Variants in CSNK1G1 observed in about 807,000 individuals in gnomAD.
CSNK1G1 encodes the protein casein kinase 1 gamma 1.
In CSNK1G1, 22 loss-of-function variants were observed where a neutral mutation model predicts 59.6. The observed-to-expected ratio is 0.37, with a 90% CI of 0.26 to 0.53. The LOEUF is 0.53. CSNK1G1 is among the 20% of genes least tolerant of loss of function. CSNK1G1 has a pLI of 0.89. For synonymous variants in CSNK1G1, 179 were observed against 177.1 expected, an observed-to-expected ratio of 1.01 and a Z score of -0.08; for missense variants, 384 against 519.5, an observed-to-expected ratio of 0.74 and a Z score of 2.54.
chr15:64,239,800 AAAG>A (rs1262316311), intron 4 of CSNK1G1, among the ~76,000 whole-genome samples: 2 of 152,252 alleles, frequency 1.3e-5, no homozygotes, highest in Non-Finnish European at 2.9e-5. Context: ...TAGATATAGA[AAAG>A]AACCAAACAG....
At chr15:64,238,334 A>G (rs2082643315) in intron 4 of CSNK1G1, among the ~76,000 whole-genome samples, 1 of 150,852 alleles carries the variant, frequency 6.6e-6, no homozygotes, top group South Asian at 2.1e-4. Flanking sequence ...ATAAAAAATA[A>G]AAAATTAGCC....
At position 64,216,735 on chromosome 15, in the gene CSNK1G1, G is replaced by C; in HGVS notation, c.293-22C>G. The stretch of plus-strand genomic sequence containing the variant: ...TCACCTGAAAGCAGAGGGGAAATGG[G>C]GGTATACAGTGGGAGACACAAAAGC... On this transcript the variant is annotated intron_variant, in intron 4 of 11. Transcript: ENST00000303052. The surrounding 1 kb of genome is among the most constrained non-coding windows in gnomAD (Gnocchi z 4.6). The C allele has an allele frequency of 6.2e-7, 1 of 1,610,244 alleles. No individual in the cohort carries two copies. Among genetic ancestry groups the C allele is most frequent in the Non-Finnish European group, 8.5e-7 (1 of 1,177,106 alleles).
intron 4 of CSNK1G1, among the ~76,000 whole-genome samples, chr15:64,242,227 G>C (rs1247605683): frequency 6.6e-6 from 1 of 152,164 alleles, no homozygotes; most frequent in African/African-American, 2.4e-5. Context: ...GGAAAGGCCA[G>C]AACCTGATGG....
intron 1 of CSNK1G1, among the ~76,000 whole-genome samples, chr15:64,355,011 T>C (rs948548772): frequency 2.0e-5 from 3 of 152,304 alleles, no homozygotes; most frequent in Non-Finnish European, 4.4e-5. Context: ...GCACCTAGTA[T>C]TCAGTCACTG....
At chr15:64,219,840 C>A (rs1235826138) in intron 4 of CSNK1G1, among the ~76,000 whole-genome samples, 2 of 146,038 alleles carry the variant, frequency 1.4e-5, no homozygotes, top group African/African-American at 5.2e-5. Flanking sequence ...GTGGCACGAT[C>A]TCAGCTCAAT....
At chr15:64,299,138 C>A (rs1424835719) in intron 2 of CSNK1G1, among the ~76,000 whole-genome samples, 1 of 148,510 alleles carries the variant, frequency 6.7e-6, no homozygotes, top group African/African-American at 2.4e-5. Context: ...TACAATGAGT[C>A]TTCACATTAA....
At chr15:64,257,016 C>T (rs555444222) in intron 3 of CSNK1G1, among the ~76,000 whole-genome samples, 22 of 152,016 alleles carry the variant, frequency 1.4e-4, no homozygotes, top group Non-Finnish European at 3.1e-4. Context: ...CAATTACTGC[C>T]TTCATATCTT....
rs1159856461 is a variant in CSNK1G1 at position 64,272,536 on chromosome 15, T to C, written c.182-13295A>G. ...CCGGCCCCACTCTGTGACTTTTAAA[T>C]GGGGGTATTTAGCCTGTTTACATTC... On this transcript the variant is annotated intron_variant, in intron 2 of 11. Transcript: ENST00000303052. Among the ~76,000 whole-genome samples, 3 of 152,106 alleles carry C rather than the reference T, an allele frequency of 2.0e-5. No individual in the cohort carries two copies. The South Asian group carries it at 6.2e-4, about 32-fold the overall frequency.
intron 2 of CSNK1G1, among the ~76,000 whole-genome samples, chr15:64,297,408 A>G (rs368835498): frequency 3.3e-5 from 5 of 152,068 alleles, no homozygotes; most frequent in Non-Finnish European, 7.4e-5. Flanking sequence ...AAGGCTCTGA[A>G]GCAGAAATGC....
intron 3 of CSNK1G1, among the ~76,000 whole-genome samples, chr15:64,256,178 A>T (rs1892363333): frequency 6.6e-6 from 1 of 152,232 alleles, no homozygotes. Context: ...TGACAAATCA[A>T]CATGGAACTA....
intron 1 of CSNK1G1, among the ~76,000 whole-genome samples, chr15:64,328,540 G>C (rs1345128272): frequency 3.9e-5 from 1 of 25,768 alleles, no homozygotes; most frequent in South Asian, 2.4e-3. Flanking sequence ...ACATGGAAAG[G>C]AACAACCGGT....
intron 4 of CSNK1G1, among the ~76,000 whole-genome samples, chr15:64,235,854 G>T (rs529793037): frequency 1.4e-3 from 217 of 152,138 alleles, no homozygotes; most frequent in African/African-American, 5.1e-3. Flanking sequence ...CTATGTACAA[G>T]ATACTACACT....
chr15:64,233,656 T>A (rs1350612533), intron 4 of CSNK1G1, among the ~76,000 whole-genome samples: 3 of 152,168 alleles, frequency 2.0e-5, no homozygotes, highest in Non-Finnish European at 4.4e-5. Context: ...ACTGGAAAAT[T>A]CGTCCTGGTC....
In CSNK1G1 at chr15:64,170,527, G is replaced by A. The variant is rs1483113912; in HGVS notation, c.*1404C>T. The stretch of plus-strand genomic sequence containing the variant: ...ATAAGCTTGGTTTCTGATAAGGCAG[G>A]CCAGCCCAAATGCTACAGCTCAGCT... On this transcript the variant is annotated 3_prime_UTR_variant, in exon 12 of 12. Transcript: ENST00000303052. 6.6e-6 allele frequency: 1 copy of A among 152,642 alleles called. No individual in the cohort carries two copies. Among genetic ancestry groups the A allele is most frequent in the South Asian group, 2.1e-4 (1 of 4,834 alleles). 9.5% of individuals were successfully genotyped at this position (152,642 alleles called of 1,614,324 possible). A position where few individuals can be genotyped will look rare whatever the true frequency, so the allele number is the denominator to read the frequency against.
At chr15:64,267,084 C>T (rs1382159912) in intron 2 of CSNK1G1, among the ~76,000 whole-genome samples, 1 of 151,618 alleles carries the variant, frequency 6.6e-6, no homozygotes, top group East Asian at 1.9e-4. Context: ...GGCGAAACCC[C>T]ACCTCTACTA....
At chr15:64,268,804 C>T (rs1893120573) in intron 2 of CSNK1G1, among the ~76,000 whole-genome samples, 1 of 152,122 alleles carries the variant, frequency 6.6e-6, no homozygotes, top group African/African-American at 2.4e-5. Flanking sequence ...GGGATAGGGT[C>T]TGGCAACCTG....
intron 3 of CSNK1G1, among the ~76,000 whole-genome samples, chr15:64,252,475 G>A (rs1326976552): frequency 6.6e-6 from 1 of 152,004 alleles, no homozygotes; most frequent in Admixed American, 6.5e-5. Context: ...CACCCAAAGT[G>A]CTGTGGGATT....
At chr15:64,272,117 C>A (rs1893341594) in intron 2 of CSNK1G1, among the ~76,000 whole-genome samples, 1 of 152,070 alleles carries the variant, frequency 6.6e-6, no homozygotes, top group African/African-American at 2.4e-5. Flanking sequence ...TTTCCTCCAT[C>A]CTTTTATTTT....
chr15:64,228,345 A>C (rs2082489881), intron 4 of CSNK1G1, among the ~76,000 whole-genome samples: 2 of 152,250 alleles, frequency 1.3e-5, no homozygotes, highest in Non-Finnish European at 2.9e-5. Context: ...AGTAAAAAGC[A>C]TATAAAGAAA....
Sources: gnomAD v4.1 joint callset for allele counts (sites outside exome capture counted in the v4.1 genomes callset) on GRCh38, gnomAD v4.1.1 for gene constraint, Gnocchi (gnomAD v3.1) non-coding constraint, MANE v1.5 for transcripts, NCBI Gene and HGNC (gene_info 2026-07-23, HGNC 2026-07-21) for gene names.